The following ZNF69 variants were observed in gnomAD, a reference collection of about 807,000 sequenced individuals.
The protein encoded by ZNF69 is ZNF3.
A neutral mutation model predicts 50.9 loss-of-function variants in ZNF69; 47 were observed. The observed-to-expected ratio is 0.92, with a 90% confidence interval of 0.73 to 1.18. The LOEUF is 1.18. ZNF69 is among the 50% of genes most tolerant of loss of function. ZNF69 has a pLI of 0.00. For missense variants in ZNF69, 717 were observed against 675.1 expected (o/e 1.06, Z -0.69); for synonymous variants, 216 against 223.1 (o/e 0.97, Z 0.29).
At position 11,904,699 on chromosome 19, in the gene ZNF69, G is replaced by C; in HGVS notation, c.302G>C (p.Gly101Ala). 6.2e-7 allele frequency: 1 copy of C among 1,613,882 alleles called. No individual in the cohort carries two copies. Among genetic ancestry groups the C allele is most frequent in the South Asian group, 1.1e-5 (1 of 91,038 alleles). ...GAAATTAAAGATGACAGTCATTGTG[G>C]AGAAACTTTTACCCAGGTTCCAGAT... is the stretch of plus-strand genomic sequence containing the variant. The part of the protein sequence containing the change: ...VNEIKDDSHC[G>A]ETFTQVPDDR... Residue 101 changes from glycine to alanine, a missense_variant, in exon 4 of 4, where the codon GGA becomes GCA. Physicochemically the swap from Gly to Ala is moderately conservative, Grantham distance 60. Transcript: ENST00000429654.
At chr19:11,901,392 C>T (rs1027710906) in intron 1 of ZNF69, among the ~76,000 whole-genome samples, 3 of 152,168 alleles carry the variant, frequency 2.0e-5, no homozygotes, top group Non-Finnish European at 4.4e-5. Flanking sequence ...AGGATATAAA[C>T]AATTCCCACA....
At chr19:11,909,046 C>T (rs567506463), downstream of ZNF69, among the ~76,000 whole-genome samples, 4 of 152,204 alleles carry the variant, frequency 2.6e-5, no homozygotes, top group Non-Finnish European at 5.9e-5. Context: ...ATAAATACCT[C>T]TATGGAAATA....
the ZNF69 span, chr19:11,948,951 A>C: frequency 6.2e-7 from 1 of 1,608,354 alleles, no homozygotes; most frequent in Non-Finnish European, 8.5e-7. Context: ...ATCAATGCAA[A>C]GAATGTGGAA....
At chr19:11,908,474 C>T (rs2145248678), downstream of ZNF69, among the ~76,000 whole-genome samples, 1 of 152,304 alleles carries the variant, frequency 6.6e-6, no homozygotes, top group Non-Finnish European at 1.5e-5. Flanking sequence ...CAAACTGTCT[C>T]TCGGACCACA....
In ZNF69 at chr19:11,905,947, G is replaced by C; in HGVS notation, c.1550G>C (p.Ser517Thr). The part of the protein sequence containing the change: ...ECKQCGEAFS[S>T]SSSFRYHERT... Reference sequence around the variant, plus strand: ...AAGCAATGTGGTGAAGCCTTCAGTAGTTCCAGTTCCTTTCGATACCATGAA... The same window carrying C: ...AAGCAATGTGGTGAAGCCTTCAGTACTTCCAGTTCCTTTCGATACCATGAA... The change falls in exon 4 of 4, where the codon AGT (serine) becomes ACT (threonine). Residue 517 changes from serine to threonine, a missense_variant. Physicochemically the swap from Ser to Thr is moderately conservative, Grantham distance 58. Transcript: ENST00000429654. 6.2e-7 allele frequency: 1 copy of C among 1,610,846 alleles called. No individual in the cohort carries two copies. Among genetic ancestry groups the C allele is most frequent in the Non-Finnish European group, 8.5e-7 (1 of 1,179,038 alleles).
intron 1 of ZNF69, among the ~76,000 whole-genome samples, chr19:11,900,047 G>A (rs1317511453): frequency 6.6e-6 from 1 of 151,980 alleles, no homozygotes; most frequent in African/African-American, 2.4e-5. Context: ...TCTGCCTCCC[G>A]GGTTTAAGCG....
chr19:11,978,324 T>A, the ZNF69 span: 1 of 1,614,130 alleles, frequency 6.2e-7, no homozygotes, highest in Non-Finnish European at 8.5e-7. Flanking sequence ...GCACAAGGCA[T>A]ACGAGTATCA....
the ZNF69 span, among the ~76,000 whole-genome samples, chr19:11,969,823 T>C: frequency 6.6e-6 from 1 of 152,216 alleles, no homozygotes; most frequent in Non-Finnish European, 1.5e-5. Context: ...CCTCCTTTTA[T>C]CTTTCCTAGA....
the ZNF69 span, among the ~76,000 whole-genome samples, chr19:11,919,447 T>C: frequency 6.6e-6 from 1 of 152,096 alleles, no homozygotes; most frequent in South Asian, 2.1e-4. Flanking sequence ...GCGTGTCTTG[T>C]ATTTACTCTC....
chr19:11,892,401 G>A (rs1415835920), intron 1 of ZNF69, among the ~76,000 whole-genome samples: 3 of 152,056 alleles, frequency 2.0e-5, no homozygotes, highest in Non-Finnish European at 4.4e-5. Flanking sequence ...TGAAGACAAT[G>A]TGATAGCCAT....
At chr19:11,941,356 A>G in the ZNF69 span, among the ~76,000 whole-genome samples, 5 of 152,222 alleles carry the variant, frequency 3.3e-5, no homozygotes, top group Non-Finnish European at 7.4e-5. Flanking sequence ...GGCGGCGCTC[A>G]TCGGGGAGGC....
chr19:11,948,623 G>GA, the ZNF69 span: 30 of 1,611,396 alleles, frequency 1.9e-5, no homozygotes, highest in Non-Finnish European at 2.5e-5. Flanking sequence ...AAAGTCTGTG[G>GA]AAAAACCTTT....
the ZNF69 span, among the ~76,000 whole-genome samples, chr19:11,975,553 G>C: frequency 6.6e-6 from 1 of 151,804 alleles, no homozygotes; most frequent in South Asian, 2.1e-4. Flanking sequence ...GCCCGCCACC[G>C]CGTCCAGCCA....
downstream of ZNF69, among the ~76,000 whole-genome samples, chr19:11,918,727 T>G (rs1205271389): frequency 6.6e-6 from 1 of 152,110 alleles, no homozygotes; most frequent in Admixed American, 6.6e-5. Flanking sequence ...AGTGCTAGGA[T>G]TGCAGACATG....
the ZNF69 span, among the ~76,000 whole-genome samples, chr19:11,965,773 C>G: frequency 6.6e-6 from 1 of 152,176 alleles, no homozygotes; most frequent in Non-Finnish European, 1.5e-5. Flanking sequence ...GGAAACACAA[C>G]CCCAAGAAGC....
chr19:11,894,986 A>G (rs980401545), intron 1 of ZNF69, among the ~76,000 whole-genome samples: 1 of 152,186 alleles, frequency 6.6e-6, no homozygotes, highest in Non-Finnish European at 1.5e-5. Flanking sequence ...TGTTGGTGGA[A>G]AGTAGTCATG....
At chr19:11,934,907 G>A in the ZNF69 span, among the ~76,000 whole-genome samples, 1 of 147,544 alleles carries the variant, frequency 6.8e-6, no homozygotes, top group South Asian at 2.1e-4. Context: ...TTGGTCGGGT[G>A]CGGTGGCTCA....
the ZNF69 span, among the ~76,000 whole-genome samples, chr19:11,928,656 C>T: frequency 7.0e-6 from 1 of 142,360 alleles, no homozygotes; most frequent in Non-Finnish European, 1.5e-5. Context: ...GGCGTGAACC[C>T]GGGAGGCGGA....
At chr19:11,978,406 C>T in the ZNF69 span, 5 of 1,614,136 alleles carry the variant, frequency 3.1e-6, no homozygotes, top group Admixed American at 6.7e-5. Flanking sequence ...TCCTTTAGAA[C>T]ACAAGAAAGG....
Sources: gnomAD v4.1 joint callset for allele counts (sites outside exome capture counted in the v4.1 genomes callset) on GRCh38, gnomAD v4.1.1 for gene constraint, MANE v1.5 for transcripts, NCBI Gene and HGNC (gene_info 2026-07-23, HGNC 2026-07-21) for gene names.